Variants in FRMPD2 observed in about 807,000 individuals in gnomAD.
FRMPD2 encodes the protein FERM and PDZ domain-containing protein 2.
FRMPD2 carries 96 observed loss-of-function variants against 140.1 expected under a neutral mutation model. The ratio of observed to expected loss-of-function variants is 0.69; its 90% CI spans 0.58 to 0.81. FRMPD2 has a LOEUF of 0.81. Among genes scored for constraint, FRMPD2 ranks in the 40% least tolerant of loss-of-function variants. FRMPD2 has a pLI of 0.00. For synonymous variants in FRMPD2, 449 were observed against 547.6 expected, an observed-to-expected ratio of 0.82 and a Z score of 2.52; for missense variants, 1,240 against 1,447.4, an observed-to-expected ratio of 0.86 and a Z score of 2.32.
chr10:48,217,868 C>T (rs141705492), intron 12 of FRMPD2, among the ~76,000 whole-genome samples: 1,710 of 152,336 alleles, frequency 0.011, 15 homozygotes, highest in Middle Eastern at 0.054. Context: ...CAGAACTCTG[C>T]GAAGGTGTCC....
chr10:48,242,394 G>A, intron 4 of FRMPD2, 42 bp from the exon 5 acceptor site: 2 of 1,576,402 alleles, frequency 1.3e-6, no homozygotes, highest in Non-Finnish European at 1.7e-6. Flanking sequence ...AGCAGCCAGA[G>A]CTGCCACTAC....
intron 9 of FRMPD2, among the ~76,000 whole-genome samples, chr10:48,235,185 C>G (rs1328667406): frequency 3.3e-5 from 5 of 152,178 alleles, no homozygotes; most frequent in Non-Finnish European, 7.3e-5. Flanking sequence ...ACACCAGCCT[C>G]CTTAGCTTTA....
intron 9 of FRMPD2, among the ~76,000 whole-genome samples, chr10:48,234,547 C>T (rs983438242): frequency 2.6e-5 from 4 of 152,098 alleles, no homozygotes; most frequent in African/African-American, 9.7e-5. Context: ...GACTGAGAAC[C>T]CTGGGGACAG....
chr10:48,200,187 A>C (rs546817688), intron 15 of FRMPD2, among the ~76,000 whole-genome samples: 1 of 150,324 alleles, frequency 6.7e-6, no homozygotes, highest in East Asian at 1.9e-4. Context: ...TAAATAAATA[A>C]ATAAATAAAT....
chr10:48,206,667 C>T (rs1839205605), intron 14 of FRMPD2, 81 bp downstream of exon 14: 6 of 1,140,190 alleles, frequency 5.3e-6, no homozygotes, highest in Non-Finnish European at 6.5e-6. Context: ...CCACATGACC[C>T]ATGACCCACT....
intron 15 of FRMPD2, among the ~76,000 whole-genome samples, chr10:48,195,417 T>C (rs1431124528): frequency 6.6e-6 from 1 of 152,204 alleles, no homozygotes; most frequent in East Asian, 1.9e-4. Flanking sequence ...TGGAAAGTGC[T>C]CAACTGCTCA....
chr10:48,188,522 A>T (rs1389847169), intron 16 of FRMPD2, among the ~76,000 whole-genome samples: 1 of 152,214 alleles, frequency 6.6e-6, no homozygotes, highest in Admixed American at 6.5e-5. Flanking sequence ...CACTGAGGGT[A>T]AAGGGTGGGT....
Position 48,269,399 on chromosome 10 carries a change from C to T in FRMPD2, c.25+5144G>A, listed in dbSNP as rs576134835. 7.9e-5 allele frequency among the ~76,000 whole-genome samples: 12 copies of T among 152,290 alleles called. 1 individual carries two copies. Among genetic ancestry groups the T allele is most frequent in the East Asian group, 5.8e-4 (3 of 5,194 alleles). ...ATATAGGAAATAGGATGCACAGAGG[C>T]GTGTTGCATGTGGATGTTGCTGGTG... On this transcript the variant is annotated intron_variant, in intron 1 of 28. Coordinates refer to ENST00000374201, the MANE Select transcript of FRMPD2 (RefSeq NM_001018071.4).
intron 12 of FRMPD2, among the ~76,000 whole-genome samples, chr10:48,216,071 G>A (rs1839439887): frequency 1.3e-5 from 2 of 152,204 alleles, no homozygotes; most frequent in Non-Finnish European, 2.9e-5. Flanking sequence ...CTTCATGCCA[G>A]TTCTTCTCTT....
At chr10:48,195,647 T>A (rs1220789329) in intron 15 of FRMPD2, among the ~76,000 whole-genome samples, 8 of 152,156 alleles carry the variant, frequency 5.3e-5, no homozygotes, top group Admixed American at 4.6e-4. Context: ...CTAAAAGAAA[T>A]GATATAAAAT....
At chr10:48,274,177 C>T (rs532072821) in intron 1 of FRMPD2, among the ~76,000 whole-genome samples, 60 of 152,264 alleles carry the variant, frequency 3.9e-4, no homozygotes, top group African/African-American at 1.4e-3. Context: ...AACATCGTAA[C>T]GCATGGGGCA....
chr10:48,184,462 T>C, intron 20 of FRMPD2, 104 bp downstream of exon 20: 1 of 712,904 alleles, frequency 1.4e-6, no homozygotes, highest in East Asian at 2.5e-5. Flanking sequence ...AGGAAAGCAA[T>C]ATAGAAGACC....
intron 1 of FRMPD2, among the ~76,000 whole-genome samples, chr10:48,261,430 C>A (rs1186648881): frequency 6.6e-6 from 1 of 151,886 alleles, no homozygotes; most frequent in Non-Finnish European, 1.5e-5. Context: ...ACATATATAG[C>A]AGAAAAAGGA....
At chr10:48,176,650 C>A (rs1359801738) in intron 22 of FRMPD2, among the ~76,000 whole-genome samples, 2 of 152,174 alleles carry the variant, frequency 1.3e-5, no homozygotes, top group African/African-American at 4.8e-5. Flanking sequence ...AAATCATCAA[C>A]CTCTTCTCAG....
chr10:48,225,174 G>A (rs1459842951), intron 10 of FRMPD2, among the ~76,000 whole-genome samples: 2 of 152,158 alleles, frequency 1.3e-5, no homozygotes, highest in African/African-American at 4.8e-5. Flanking sequence ...TCCACACAGT[G>A]GTTAAAGAAA....
At chr10:48,243,039 T>G (rs2131951095) in intron 4 of FRMPD2, among the ~76,000 whole-genome samples, 1 of 152,358 alleles carries the variant, frequency 6.6e-6, no homozygotes, top group East Asian at 1.9e-4. Flanking sequence ...AGATAAAGGC[T>G]GCACTACCGC....
In FRMPD2 at chr10:48,240,450, T is replaced by C. The variant is rs1219292119; in HGVS notation, c.610A>G (p.Asn204Asp). Residue 204 changes from asparagine to aspartate, a missense_variant, in exon 6 of 29, where the codon AAC (asparagine) becomes GAC (aspartate). Coordinates refer to ENST00000374201, the MANE Select transcript of FRMPD2 (RefSeq NM_001018071.4). ...VVEESSSVQQ[N>D]RSYLLRKRLR... ...CTCTTCCTGAGCAGGTAGCTTCTGT[T>C]CTGCTGCACAGAGGAGCTTTCCTCC... is the stretch of plus-strand genomic sequence containing the variant. 6.2e-7 allele frequency: 1 copy of C among 1,613,834 alleles called. No individual in the cohort carries two copies. The highest frequency in any genetic ancestry group is 2.2e-5 in the East Asian group (1 of 44,892).
intron 1 of FRMPD2, among the ~76,000 whole-genome samples, chr10:48,252,275 G>A (rs1428583784): frequency 1.3e-5 from 2 of 152,142 alleles, no homozygotes; most frequent in African/African-American, 4.8e-5. Context: ...ACTGGAGGAG[G>A]CTCAAGAGGG....
At chr10:48,237,040 A>T (rs893354035) in intron 8 of FRMPD2, among the ~76,000 whole-genome samples, 6 of 151,916 alleles carry the variant, frequency 3.9e-5, no homozygotes, top group Admixed American at 1.3e-4. Flanking sequence ...TGCAATACCC[A>T]TCACTAGCTA....
Sources: gnomAD v4.1 joint callset for allele counts (sites outside exome capture counted in the v4.1 genomes callset) on GRCh38, gnomAD v4.1.1 for gene constraint, MANE v1.5 for transcripts, NCBI Gene and HGNC (gene_info 2026-07-23, HGNC 2026-07-21) for gene names.